The following IL1RAPL1 variants were observed in gnomAD, a reference collection of about 807,000 sequenced individuals.
IL1RAPL1 encodes interleukin-1 receptor accessory protein-like 1.
A neutral mutation model predicts 48.4 loss-of-function variants in IL1RAPL1; 3 were observed. The observed-to-expected ratio is 0.06, with a 90% CI of 0.03 to 0.16. IL1RAPL1 has a LOEUF of 0.16. Among genes scored for constraint, IL1RAPL1 ranks in the 10% least tolerant of loss-of-function variants. The pLI, the probability that IL1RAPL1 is intolerant of heterozygous loss-of-function variation, is 1.00. For synonymous variants in IL1RAPL1, 185 were observed against 187.7 expected (o/e 0.99, Z 0.12); for missense variants, 349 against 530.6 (o/e 0.66, Z 3.36).
chrX:29,836,847 G>T, intron 6 of IL1RAPL1, among the ~76,000 whole-genome samples: 1 of 111,061 alleles, frequency 9.0e-6, no homozygotes, highest in East Asian at 2.8e-4. Context: ...GCTCATAGAG[G>T]TTAAATAATG....
chrX:29,330,282 G>A (rs1014868920), intron 3 of IL1RAPL1, among the ~76,000 whole-genome samples: 1 of 111,973 alleles, frequency 8.9e-6, no homozygotes, highest in African/African-American at 3.2e-5. Context: ...TCCAAGCATG[G>A]TCACTCTACC....
chrX:28,675,122 T>C (rs759227422), intron 1 of IL1RAPL1, among the ~76,000 whole-genome samples: 25 of 111,819 alleles, frequency 2.2e-4, no homozygotes, highest in Non-Finnish European at 3.8e-4. Flanking sequence ...TGGCTGAAAT[T>C]ACTAGACATA....
At chrX:29,594,712 TTGTA>T (rs2147058524) in intron 5 of IL1RAPL1, among the ~76,000 whole-genome samples, 1 of 111,752 alleles carries the variant, frequency 8.9e-6, no homozygotes, top group Admixed American at 9.6e-5. Flanking sequence ...GATTTTTTAT[TTGTA>T]TTTATTTATT....
chrX:29,456,060 A>AT (rs761228733), intron 5 of IL1RAPL1, among the ~76,000 whole-genome samples: 62 of 105,588 alleles, frequency 5.9e-4, no homozygotes, highest in African/African-American at 2.3e-3. Flanking sequence ...CTTTTAGAAA[A>AT]TTAAAAAAAA....
intron 3 of IL1RAPL1, among the ~76,000 whole-genome samples, chrX:29,286,046 ATTAAC>A (rs1290278801): frequency 1.8e-5 from 2 of 112,205 alleles, no homozygotes; most frequent in Non-Finnish European, 3.8e-5. Flanking sequence ...TATTCTGAGT[ATTAAC>A]TTGTCAATGA....
At chrX:29,332,644 ATTTATTTTAT>A (rs1307341733) in intron 3 of IL1RAPL1, among the ~76,000 whole-genome samples, 14 of 77,301 alleles carry the variant, frequency 1.8e-4, no homozygotes, top group African/African-American at 7.6e-4. Flanking sequence ...TTATTTATTT[ATTTATTTTAT>A]TTTTTTTTTT....
chrX:28,837,523 T>C (rs1283081580), intron 2 of IL1RAPL1, among the ~76,000 whole-genome samples: 1 of 109,478 alleles, frequency 9.1e-6, no homozygotes, highest in African/African-American at 3.3e-5. Flanking sequence ...GACAAAAAGA[T>C]AGATGGGCAA....
intron 5 of IL1RAPL1, among the ~76,000 whole-genome samples, chrX:29,432,985 A>G (rs1934438781): frequency 9.0e-6 from 1 of 110,678 alleles, no homozygotes; most frequent in Non-Finnish European, 1.9e-5. Context: ...AAAAATCATT[A>G]CTGCCCCGCT....
intron 2 of IL1RAPL1, among the ~76,000 whole-genome samples, chrX:29,263,888 G>A (rs1382774333): frequency 1.1e-5 from 1 of 89,179 alleles, no homozygotes; most frequent in Non-Finnish European, 2.1e-5. Context: ...ATAGAGCAAT[G>A]TTAAACAATG....
intron 6 of IL1RAPL1, among the ~76,000 whole-genome samples, chrX:29,732,215 A>G (rs769888976): frequency 8.9e-6 from 1 of 111,929 alleles, no homozygotes; most frequent in African/African-American, 3.2e-5. Context: ...AGACAGTGAG[A>G]CATTAGTCTT....
At chrX:29,099,800 T>C (rs2147462582) in intron 2 of IL1RAPL1, among the ~76,000 whole-genome samples, 1 of 112,273 alleles carries the variant, frequency 8.9e-6, no homozygotes, top group East Asian at 2.8e-4. Flanking sequence ...CTTTTTATGT[T>C]AGACACGTTT....
intron 5 of IL1RAPL1, among the ~76,000 whole-genome samples, chrX:29,585,575 T>A (rs966708699): frequency 6.3e-5 from 7 of 111,966 alleles, no homozygotes; most frequent in Non-Finnish European, 9.4e-5. Flanking sequence ...TAGTTCTATT[T>A]TCAGTTTCTT....
intron 6 of IL1RAPL1, among the ~76,000 whole-genome samples, chrX:29,697,644 G>T (rs760928036): frequency 1.8e-5 from 2 of 112,133 alleles, no homozygotes; most frequent in South Asian, 7.4e-4. Context: ...AAGTAAAGTG[G>T]TATTTAAAGT....
At chrX:29,154,187 C>T (rs145435562) in intron 2 of IL1RAPL1, among the ~76,000 whole-genome samples, 1,500 of 111,540 alleles carry the variant, frequency 0.013, 24 homozygotes, top group African/African-American at 0.046. Context: ...TTGGGTATTC[C>T]TAGTTCTCTC....
chrX:29,728,001 G>C (rs1007114526), intron 6 of IL1RAPL1, among the ~76,000 whole-genome samples: 4 of 110,676 alleles, frequency 3.6e-5, no homozygotes, highest in Non-Finnish European at 7.6e-5. Flanking sequence ...GCAGTGGCGC[G>C]ATCTCGGCTC....
In IL1RAPL1 at chrX:28,886,706, A is replaced by G. The variant is rs1306246557; in HGVS notation, c.82+97281A>G. Reference sequence around the variant, plus strand: ...TATAATAATTAGCATGTTTAATTTCAAGGATACTGCCTCAAAACACTGAAT... The same window carrying G: ...TATAATAATTAGCATGTTTAATTTCGAGGATACTGCCTCAAAACACTGAAT... On this transcript the variant is annotated intron_variant, in intron 2 of 10. Transcript: ENST00000378993. Among the ~76,000 whole-genome samples, 4 of 111,252 alleles carry G rather than the reference A, an allele frequency of 3.6e-5. No homozygotes were observed. The East Asian group carries it at 1.1e-3, about 31-fold the overall frequency.
intron 5 of IL1RAPL1, among the ~76,000 whole-genome samples, chrX:29,581,652 A>G (rs76874664): frequency 9.1e-6 from 1 of 109,390 alleles, no homozygotes; most frequent in Non-Finnish European, 1.9e-5. Flanking sequence ...ATGGACACTG[A>G]TTTTTTTTTT....
intron 5 of IL1RAPL1, among the ~76,000 whole-genome samples, chrX:29,500,560 A>G (rs1205426485): frequency 1.8e-5 from 2 of 111,972 alleles, no homozygotes; most frequent in East Asian, 2.8e-4. Context: ...TTCACTTACT[A>G]ATGACCTCCA....
intron 6 of IL1RAPL1, among the ~76,000 whole-genome samples, chrX:29,754,947 A>G (rs748573417): frequency 3.6e-5 from 4 of 112,667 alleles, no homozygotes; most frequent in Non-Finnish European, 7.5e-5. Flanking sequence ...AGATGGCAAT[A>G]AAGGTGTCAG....
Sources: allele counts gnomAD v4.1 joint callset (sites outside exome capture counted in the v4.1 genomes callset), GRCh38; gene constraint gnomAD v4.1.1; transcripts MANE v1.5; gene names NCBI Gene and HGNC (gene_info 2026-07-23, HGNC 2026-07-21).